The following CNTN3 variants were observed in gnomAD, a reference collection of about 807,000 sequenced individuals.
CNTN3 encodes the protein contactin 3, also known as contactin-3.
CNTN3 carries 60 observed loss-of-function variants against 119.1 expected under a neutral mutation model. That is an observed-to-expected ratio of 0.50 (90% confidence interval 0.41 to 0.62). CNTN3 has a LOEUF of 0.62. CNTN3 is among the 20% of genes least tolerant of loss of function. The probability of loss-of-function intolerance (pLI) is 0.00; values close to 1 mark genes in which losing one functional copy is unlikely to be tolerated. For synonymous variants in CNTN3, 450 were observed against 438.7 expected (o/e 1.03, Z -0.32); for missense variants, 1,101 against 1,242.4 (o/e 0.89, Z 1.71).
intron 4 of CNTN3, among the ~76,000 whole-genome samples, chr3:74,463,298 A>G: frequency 6.6e-6 from 1 of 152,140 alleles, no homozygotes; most frequent in East Asian, 1.9e-4. Flanking sequence ...AGAGTTTAGT[A>G]TCTATGAATA....
intron 11 of CNTN3, among the ~76,000 whole-genome samples, chr3:74,338,131 C>T (rs1703439785): frequency 6.6e-6 from 1 of 151,974 alleles, no homozygotes; most frequent in Non-Finnish European, 1.5e-5. Context: ...GGATGGTAAA[C>T]TTCTTAAAAA....
chr3:74,325,963 T>C (rs1210326521), intron 13 of CNTN3, among the ~76,000 whole-genome samples: 1 of 152,158 alleles, frequency 6.6e-6, no homozygotes, highest in Non-Finnish European at 1.5e-5. Flanking sequence ...ACTATTCTTA[T>C]CCCTACTTGA....
At chr3:74,522,889 T>C (rs1703563541) in intron 1 of CNTN3, among the ~76,000 whole-genome samples, 1 of 151,796 alleles carries the variant, frequency 6.6e-6, no homozygotes, top group Admixed American at 6.6e-5. Context: ...TCTGCTACAC[T>C]GTGCATAGAA....
At chr3:74,425,815 C>T (rs992794103) in intron 4 of CNTN3, among the ~76,000 whole-genome samples, 88 of 151,956 alleles carry the variant, frequency 5.8e-4, no homozygotes, top group African/African-American at 2.1e-3. Flanking sequence ...AGTATAAGTC[C>T]TATTTTTCCC....
At chr3:74,580,229 T>C (rs1704482152) in intron 1 of CNTN3, among the ~76,000 whole-genome samples, 1 of 152,206 alleles carries the variant, frequency 6.6e-6, no homozygotes, top group African/African-American at 2.4e-5. Flanking sequence ...ATTTTATCTA[T>C]TAAAGAAATT....
intron 4 of CNTN3, among the ~76,000 whole-genome samples, chr3:74,432,252 G>A (rs1470004388): frequency 1.3e-5 from 2 of 152,106 alleles, no homozygotes; most frequent in East Asian, 3.9e-4. Flanking sequence ...AATCAAGACT[G>A]CAATTCAGTT....
intron 4 of CNTN3, among the ~76,000 whole-genome samples, chr3:74,450,072 G>C: frequency 6.6e-6 from 1 of 152,038 alleles, no homozygotes; most frequent in East Asian, 1.9e-4. Context: ...AACAAGAATT[G>C]TCCTTTGCTG....
At chr3:74,414,875 GTCTTTTTTTTTTTTT>G (rs1701494458) in intron 5 of CNTN3, among the ~76,000 whole-genome samples, 1 of 81,672 alleles carries the variant, frequency 1.2e-5, no homozygotes, top group South Asian at 4.0e-4. Flanking sequence ...GTTTCCTATA[GTCTTTTTTTTTTTTT>G]TTTTTTTGAC....
chr3:74,499,685 T>C lies in CNTN3; in HGVS notation c.156A>G (p.Ala52=). ...EDKKITLHCE[A]RGNPSPHYRW... The stretch of plus-strand genomic sequence containing the variant: ...TGTAATGAGGTGATGGATTGCCTCT[T>C]GCTTCACAATGCAAAGTTATTTTTT... Residue 52 remains alanine, a synonymous_variant, in exon 3 of 23, where the codon GCA becomes GCG. Coordinates refer to ENST00000263665, the MANE Select transcript of CNTN3 (RefSeq NM_020872.3). The C allele has an allele frequency of 6.2e-7, 1 of 1,611,026 alleles. No individual in the cohort carries two copies. Among genetic ancestry groups the C allele is most frequent in the Non-Finnish European group, 8.5e-7 (1 of 1,178,284 alleles).
In CNTN3 at chr3:74,336,590, G is replaced by A. The variant is rs1402954650; in HGVS notation, c.1433C>T (p.Thr478Ile). 1.2e-6 allele frequency: 2 copies of A among 1,612,632 alleles called. No homozygotes were observed. Among genetic ancestry groups the A allele is most frequent in the South Asian group, 1.1e-5 (1 of 90,994 alleles). ...CCCAAACTGGTTTTCTGCCATGCAG[G>A]TGTAAGTTCCAGCATCAGCTTTAGT... ...NVTKADAGTY[T>I]CMAENQFGKA... is the part of the protein sequence containing the mutation. The change falls in exon 12 of 23, where the codon ACC becomes ATC. Residue 478 changes from threonine to isoleucine, a missense_variant. Coordinates refer to ENST00000263665, the MANE Select transcript of CNTN3 (RefSeq NM_020872.3).
intron 1 of CNTN3, among the ~76,000 whole-genome samples, chr3:74,543,264 C>A (rs1442558012): frequency 6.6e-6 from 1 of 151,992 alleles, no homozygotes; most frequent in Non-Finnish European, 1.5e-5. Context: ...GATGATGCGA[C>A]CAAAAAATAA....
chr3:74,353,523 G>T (rs974620831), intron 11 of CNTN3, among the ~76,000 whole-genome samples: 1 of 152,200 alleles, frequency 6.6e-6, no homozygotes, highest in Non-Finnish European at 1.5e-5. Context: ...TTGGGAGGCC[G>T]AGACGGGTGG....
chr3:74,369,824 AC>A, intron 7 of CNTN3, 64 bp downstream of exon 7: 2 of 883,400 alleles, frequency 2.3e-6, no homozygotes, highest in Non-Finnish European at 3.6e-6. Flanking sequence ...TCTCTCAAAA[AC>A]CATCCTGATT....
chr3:74,439,195 G>T (rs1446920869), intron 4 of CNTN3, among the ~76,000 whole-genome samples: 1 of 152,120 alleles, frequency 6.6e-6, no homozygotes, highest in African/African-American at 2.4e-5. Context: ...CTTTTTAAAG[G>T]ATCAATGATG....
chr3:74,274,289 CCATACTACCACAG>C (rs751643751), intron 20 of CNTN3, among the ~76,000 whole-genome samples: 32 of 152,066 alleles, frequency 2.1e-4, no homozygotes, highest in Non-Finnish European at 4.1e-4. Context: ...CTGTTCCTCT[CCATACTACCACAG>C]CTGATGCTCT....
At chr3:74,292,236 G>C (rs1283549957) in intron 19 of CNTN3, among the ~76,000 whole-genome samples, 1 of 152,170 alleles carries the variant, frequency 6.6e-6, no homozygotes, top group Non-Finnish European at 1.5e-5. Flanking sequence ...ATTCTTCTGA[G>C]GGATGTCTCA....
intron 4 of CNTN3, among the ~76,000 whole-genome samples, chr3:74,453,001 G>T (rs1346333474): frequency 6.6e-6 from 1 of 151,670 alleles, no homozygotes; most frequent in Non-Finnish European, 1.5e-5. Flanking sequence ...TCTCTGCCCA[G>T]CTTTGGTATC....
intron 11 of CNTN3, among the ~76,000 whole-genome samples, chr3:74,340,460 G>A (rs546185107): frequency 1.3e-5 from 2 of 152,166 alleles, no homozygotes; most frequent in African/African-American, 4.8e-5. Context: ...GGAGGAAAGA[G>A]AGAGCATGAT....
chr3:74,338,491 C>CGT (rs1471618476), intron 11 of CNTN3, among the ~76,000 whole-genome samples: 11 of 56,984 alleles, frequency 1.9e-4, no homozygotes, highest in Admixed American at 4.7e-4. Context: ...TGTGTACACA[C>CGT]GTGCGTGTGT....
Sources: allele counts gnomAD v4.1 joint callset (sites outside exome capture counted in the v4.1 genomes callset), GRCh38; gene constraint gnomAD v4.1.1; transcripts MANE v1.5; gene names NCBI Gene and HGNC (gene_info 2026-07-23, HGNC 2026-07-21).